MOCOS: variants seen among roughly 807,000 people sequenced by gnomAD.
MOCOS encodes the protein human molybdenum cofactor sulfurase.
Under a neutral mutation model 83.6 loss-of-function variants are expected in MOCOS, and 86 were observed. The ratio of observed to expected loss-of-function variants is 1.03; its 90% confidence interval spans 0.86 to 1.23. The LOEUF (loss-of-function observed/expected upper bound fraction) is 1.23. Among genes scored for constraint, MOCOS ranks in the 50% most tolerant of loss-of-function variants. The pLI, the probability that MOCOS is intolerant of heterozygous loss-of-function variation, is 0.00. For missense variants in MOCOS, 1,120 were observed against 1,126.9 expected (o/e 0.99, Z 0.09); for synonymous variants, 445 against 434.7 (o/e 1.02, Z -0.29).
chr18:36,264,786 T>C (rs1033407753), intron 13 of MOCOS, among the ~76,000 whole-genome samples: 6 of 151,930 alleles, frequency 3.9e-5, no homozygotes, highest in Admixed American at 3.9e-4. Flanking sequence ...AAAAAAAAAT[T>C]AGAGCTTTGT....
intron 9 of MOCOS, among the ~76,000 whole-genome samples, chr18:36,240,039 A>C (rs868712120): frequency 0.01 from 1,175 of 116,922 alleles, 11 homozygotes; most frequent in African/African-American, 0.039. Flanking sequence ...CATTCTTCTA[A>C]ATTTTTTTCA....
chr18:36,196,424 A>C (rs1449943122), intron 2 of MOCOS, among the ~76,000 whole-genome samples: 1 of 152,180 alleles, frequency 6.6e-6, no homozygotes, highest in Middle Eastern at 3.2e-3. Flanking sequence ...GAGGCTGCAC[A>C]GGAAGGACTG....
chr18:36,237,044 G>A (rs1176333161), intron 9 of MOCOS, among the ~76,000 whole-genome samples: 1 of 148,838 alleles, frequency 6.7e-6, no homozygotes, highest in African/African-American at 2.5e-5. Flanking sequence ...TGAGACAATG[G>A]GGTTTTCTAG....
At position 36,205,074 on chromosome 18, in the gene MOCOS, G is replaced by A; in HGVS notation, c.1019-3G>A. ...TTCTCTTGTGTTTCATGATTGATTT[G>A]AGGTGGAATGGAGAATATAAAGCAG... On this transcript the variant is annotated splice_polypyrimidine_tract_variant and splice_region_variant and intron_variant, in intron 5 of 14. Transcript: ENST00000261326. 1 of 1,563,648 alleles carries A rather than the reference G, an allele frequency of 6.4e-7. No individual in the cohort carries two copies. Among genetic ancestry groups the A allele is most frequent in the Non-Finnish European group, 8.7e-7 (1 of 1,145,990 alleles).
intron 9 of MOCOS, among the ~76,000 whole-genome samples, chr18:36,225,675 CACTT>C (rs1320363854): frequency 6.6e-6 from 1 of 151,962 alleles, no homozygotes; most frequent in Non-Finnish European, 1.5e-5. Flanking sequence ...TTACTGTAGA[CACTT>C]ACTGCCATGA....
intron 9 of MOCOS, among the ~76,000 whole-genome samples, chr18:36,245,699 GA>G (rs915970501): frequency 6.6e-6 from 1 of 152,156 alleles, no homozygotes; most frequent in Non-Finnish European, 1.5e-5. Context: ...AGTTTTCCTT[GA>G]TTATTCCCTC....
At chr18:36,193,250 G>C (rs2091373279) in intron 1 of MOCOS, among the ~76,000 whole-genome samples, 1 of 142,550 alleles carries the variant, frequency 7.0e-6, no homozygotes, top group African/African-American at 2.6e-5. Context: ...AGCGGAGCTT[G>C]CAGTGAGCCG....
At chr18:36,244,057 C>T (rs2091593872) in intron 9 of MOCOS, among the ~76,000 whole-genome samples, 1 of 151,842 alleles carries the variant, frequency 6.6e-6, no homozygotes, top group Admixed American at 6.6e-5. Context: ...TTTATTTTTT[C>T]AAAGAACCAG....
intron 6 of MOCOS, among the ~76,000 whole-genome samples, chr18:36,209,575 T>G (rs1237219857): frequency 6.6e-6 from 1 of 152,106 alleles, no homozygotes. Context: ...CACTTATAAG[T>G]GAGAACATAT....
chr18:36,220,843 C>T lies in MOCOS; in HGVS notation c.1960+626C>T, dbSNP rs951671495. Among the ~76,000 whole-genome samples, 122 of 151,922 alleles carry T rather than the reference C, an allele frequency of 8.0e-4. 1 individual carries two copies. Among genetic ancestry groups the T allele is most frequent in the African/African-American group, 1.3e-3 (53 of 41,410 alleles). ...ACTTGGGAGGCTGAGGCAGGAGTAT[C>T]GCTTGAGCCCCAGAGGTGGAGGCTG... On this transcript the variant is annotated intron_variant, in intron 9 of 14. Transcript: ENST00000261326.
At chr18:36,201,755 T>G (rs2091415965) in intron 4 of MOCOS, among the ~76,000 whole-genome samples, 1 of 152,012 alleles carries the variant, frequency 6.6e-6, no homozygotes, top group African/African-American at 2.4e-5. Flanking sequence ...TAGGAGGCTA[T>G]TTGATGCCTC....
chr18:36,260,599 G>A lies in MOCOS; in HGVS notation c.2409+424G>A, dbSNP rs2091660455. Among the ~76,000 whole-genome samples the A allele has an allele frequency of 2.6e-5, 4 of 152,130 alleles. No homozygotes were observed. In the South Asian group the frequency reaches 8.3e-4, roughly 31 times the overall value. ...CCCATGGCCACCCACTCTTCCACAC[G>A]CTTCACCTTTTCTGCCTTTGCTGGT... On this transcript the variant is annotated intron_variant, in intron 13 of 14. Coordinates refer to ENST00000261326, the MANE Select transcript of MOCOS (RefSeq NM_017947.4).
At chr18:36,207,608 G>A (rs1256925819) in intron 6 of MOCOS, among the ~76,000 whole-genome samples, 1 of 151,990 alleles carries the variant, frequency 6.6e-6, no homozygotes. Context: ...TTTGATAAGG[G>A]TCTGTTCATG....
intron 9 of MOCOS, among the ~76,000 whole-genome samples, chr18:36,236,890 A>T (rs914165245): frequency 1.3e-5 from 2 of 151,452 alleles, no homozygotes; most frequent in East Asian, 3.9e-4. Context: ...TTCTCTTTGA[A>T]GCAATTGTGA....
chr18:36,225,590 T>G (rs2091512390), intron 9 of MOCOS, among the ~76,000 whole-genome samples: 1 of 152,200 alleles, frequency 6.6e-6, no homozygotes, highest in African/African-American at 2.4e-5. Context: ...TTGTGCTAAA[T>G]TTGGGTTTAC....
intron 9 of MOCOS, among the ~76,000 whole-genome samples, chr18:36,246,945 G>A (rs533550717): frequency 2.1e-4 from 32 of 152,122 alleles, no homozygotes; most frequent in Admixed American, 6.5e-4. Context: ...TTTGTCTTTG[G>A]CTATCAGGGC....
intron 1 of MOCOS, among the ~76,000 whole-genome samples, chr18:36,189,416 T>C (rs888828478): frequency 2.0e-5 from 3 of 152,128 alleles, no homozygotes; most frequent in Non-Finnish European, 4.4e-5. Context: ...TTGGAACATG[T>C]CCACTTGTTT....
chr18:36,239,792 C>A (rs1436829585), intron 9 of MOCOS, among the ~76,000 whole-genome samples: 1 of 150,648 alleles, frequency 6.6e-6, no homozygotes, highest in Admixed American at 6.6e-5. Context: ...TAGATTTGGT[C>A]TTTTCACATA....
chr18:36,229,793 C>G (rs1303042109), intron 9 of MOCOS, among the ~76,000 whole-genome samples: 1 of 151,868 alleles, frequency 6.6e-6, no homozygotes, highest in Admixed American at 6.6e-5. Context: ...TGTTGAACCT[C>G]TCTTATAATA....
Sources: allele counts gnomAD v4.1 joint callset (sites outside exome capture counted in the v4.1 genomes callset), GRCh38; gene constraint gnomAD v4.1.1; transcripts MANE v1.5; gene names NCBI Gene and HGNC (gene_info 2026-07-23, HGNC 2026-07-21).